Variants in MTM1 observed in about 807,000 individuals in gnomAD.
The protein encoded by MTM1 is myotubularin 1.
A neutral mutation model predicts 52.1 loss-of-function variants in MTM1; 9 were observed. That is an observed-to-expected ratio of 0.17 (90% confidence interval 0.10 to 0.30). The LOEUF is 0.30. Among genes scored for constraint, MTM1 ranks in the 10% least tolerant of loss-of-function variants. The pLI is 1.00. For synonymous variants in MTM1, 136 were observed against 163.8 expected (o/e 0.83, Z 1.29); for missense variants, 277 against 470.7 (o/e 0.59, Z 3.81).
chrX:150,622,361 A>G (rs2039497383), intron 6 of MTM1, among the ~76,000 whole-genome samples: 1 of 111,863 alleles, frequency 8.9e-6, no homozygotes, highest in Admixed American at 9.5e-5. Context: ...TGCTTTTGGA[A>G]TAGCAGTCCC....
intron 6 of MTM1, among the ~76,000 whole-genome samples, chrX:150,628,614 C>T (rs1557413473): frequency 9.0e-6 from 1 of 111,372 alleles, no homozygotes; most frequent in African/African-American, 3.3e-5. Context: ...TCTCATATGC[C>T]CCAGAAACCC....
intron 10 of MTM1, among the ~76,000 whole-genome samples, chrX:150,657,254 G>A (rs1379564103): frequency 1.8e-5 from 2 of 111,066 alleles, no homozygotes; most frequent in African/African-American, 3.3e-5. Flanking sequence ...CTGGATTAAG[G>A]AAATGTGGCA....
chrX:150,657,630 GAAGAA>G (rs1453877394), intron 10 of MTM1, among the ~76,000 whole-genome samples, 186 bp from the exon 11 acceptor site: 4 of 110,900 alleles, frequency 3.6e-5, no homozygotes, highest in Non-Finnish European at 5.7e-5. Context: ...AAAAAAAAAA[GAAGAA>G]AAGAAAACAA....
chrX:150,620,222 G>T (rs781982302), intron 6 of MTM1, among the ~76,000 whole-genome samples: 1 of 111,851 alleles, frequency 8.9e-6, no homozygotes, highest in Admixed American at 9.4e-5. Context: ...ATCAGAAATT[G>T]ACAGAATGGC....
At chrX:150,586,987 C>T (rs782634614) in intron 1 of MTM1, among the ~76,000 whole-genome samples, 30 of 109,604 alleles carry the variant, frequency 2.7e-4, no homozygotes, top group Non-Finnish European at 5.1e-4. Context: ...TTTGTTATGC[C>T]ATCTGCTGTG....
At chrX:150,608,490 A>G (rs1557412883) in intron 4 of MTM1, among the ~76,000 whole-genome samples, 1 of 112,261 alleles carries the variant, frequency 8.9e-6, no homozygotes, top group East Asian at 2.8e-4. Context: ...AAGTGCTGGG[A>G]TTGCAGGCAT....
At chrX:150,601,719 G>A (rs2266843) in intron 4 of MTM1, among the ~76,000 whole-genome samples, 38,086 of 111,086 alleles carry the variant, frequency 0.34, 6,006 homozygotes, top group East Asian at 0.68. Flanking sequence ...TCTGGCCCAC[G>A]CCCCGTCTCC....
chrX:150,668,640 G>C (rs1557415049), intron 14 of MTM1, among the ~76,000 whole-genome samples: 5 of 111,240 alleles, frequency 4.5e-5, no homozygotes, highest in Non-Finnish European at 1.9e-5. Flanking sequence ...AGGAGTTCGA[G>C]GTTACAGTGT....
chrX:150,598,609 A>G lies in MTM1; in HGVS notation c.154A>G (p.Ile52Val), dbSNP rs2039018617. The G allele has an allele frequency of 4.2e-6, 5 of 1,188,679 alleles. No homozygotes were observed. Among genetic ancestry groups the G allele is most frequent in the East Asian group, 3.0e-5 (1 of 33,687 alleles). ...TLITDKEVIY[I>V]CPFNGPIKGR... ...CTTAATAGACAAAGAAGTTATTTACATATGTCCTTTCAATGGCCCCATTAA... is the reference window on the plus strand; with the variant it reads ...CTTAATAGACAAAGAAGTTATTTACGTATGTCCTTTCAATGGCCCCATTAA... Residue 52 changes from isoleucine (I) to valine (V), a missense_variant, in exon 4 of 15, where the codon ATA becomes GTA. Transcript: ENST00000370396.
intron 1 of MTM1, among the ~76,000 whole-genome samples, chrX:150,579,721 C>T (rs1285569158): frequency 9.2e-6 from 1 of 109,204 alleles, no homozygotes; most frequent in African/African-American, 3.3e-5. Context: ...AGGCTGGTCT[C>T]AACTTCCTGG....
chrX:150,614,663 A>G lies in MTM1; in HGVS notation c.306A>G (p.Arg102=). The G allele has an allele frequency of 8.4e-7, 1 of 1,189,413 alleles. No homozygotes were observed. The highest frequency in any genetic ancestry group is 1.7e-5 in the African/African-American group (1 of 57,368). ...AAAAAATGGGAGGCGCGACAAGTAG[A>G]GGAGAAAATTCCTATGGTCTAGATA... is the stretch of plus-strand genomic sequence containing the variant. ...RIEKMGGATS[R]GENSYGLDIT... Residue 102 remains arginine (R), a synonymous_variant, in exon 5 of 15, where the codon AGA becomes AGG. Coordinates refer to ENST00000370396, the MANE Select transcript of MTM1 (RefSeq NM_000252.3).
At chrX:150,571,265 G>A (rs991434989) in intron 1 of MTM1, among the ~76,000 whole-genome samples, 6 of 112,262 alleles carry the variant, frequency 5.3e-5, no homozygotes, top group Non-Finnish European at 1.1e-4. Flanking sequence ...CCTCTTTGAA[G>A]TTCTGCTTTC....
chrX:150,647,117 A>T (rs1193978462), intron 9 of MTM1, among the ~76,000 whole-genome samples: 3 of 105,720 alleles, frequency 2.8e-5, no homozygotes, highest in African/African-American at 1.1e-4. Context: ...ATTAAATCTA[A>T]CTCTAAATAT....
At chrX:150,657,128 T>A (rs781849902) in intron 10 of MTM1, among the ~76,000 whole-genome samples, 4 of 110,202 alleles carry the variant, frequency 3.6e-5, no homozygotes, top group Non-Finnish European at 7.6e-5. Flanking sequence ...ACTGGGTATA[T>A]ACCCAAAGGA....
At position 150,672,898 on chromosome X, in the gene MTM1, TC is replaced by T. The variant is rs1240417053; in HGVS notation, c.*1304del. 2.7e-5 allele frequency: 3 copies of T among 112,556 alleles called. No homozygotes were observed. Among genetic ancestry groups the T allele is most frequent in the Non-Finnish European group, 5.6e-5 (3 of 53,320 alleles). The allele number at this position is 112,556 out of a possible 1,213,427, so 9.3% of individuals were successfully genotyped here. A position where few individuals can be genotyped will look rare whatever the true frequency, so the allele number is the denominator to read the frequency against. On this transcript the variant is annotated 3_prime_UTR_variant, in exon 15 of 15. Transcript: ENST00000370396. ...TTATTTTATGTCATAGTTTAATTGG[TC>T]TACCAAGTAAGACATCTCAAATACA...
chrX:150,579,468 CA>C (rs2038541346), intron 1 of MTM1, among the ~76,000 whole-genome samples: 1 of 111,563 alleles, frequency 9.0e-6, no homozygotes, highest in Admixed American at 9.5e-5. Context: ...CTAAGTATTT[CA>C]TTTTTTTTGG....
At chrX:150,651,929 G>A (rs2040027594) in intron 10 of MTM1, among the ~76,000 whole-genome samples, 1 of 111,135 alleles carries the variant, frequency 9.0e-6, no homozygotes, top group African/African-American at 3.3e-5. Flanking sequence ...AGGGTCAGTG[G>A]TACTTGAAGG....
chrX:150,610,581 A>G (rs180854799), intron 4 of MTM1, among the ~76,000 whole-genome samples: 1 of 112,513 alleles, frequency 8.9e-6, no homozygotes, highest in Non-Finnish European at 1.9e-5. Context: ...TGACTCAGGT[A>G]TCCAGAAAGT....
chrX:150,565,226 C>T (rs2038247102), upstream of MTM1, among the ~76,000 whole-genome samples: 3 of 111,424 alleles, frequency 2.7e-5, no homozygotes, highest in Admixed American at 9.5e-5. Flanking sequence ...GGGGACACAA[C>T]GACCCTGGGA....
Sources: gnomAD v4.1 joint callset for allele counts (sites outside exome capture counted in the v4.1 genomes callset) on GRCh38, gnomAD v4.1.1 for gene constraint, MANE v1.5 for transcripts, NCBI Gene and HGNC (gene_info 2026-07-23, HGNC 2026-07-21) for gene names.